The following EYA2 variants were observed in gnomAD, a reference collection of about 807,000 sequenced individuals.
EYA2 encodes protein phosphatase EYA2.
Under a neutral mutation model 69.2 loss-of-function variants are expected in EYA2, and 31 were observed. That is an observed-to-expected ratio of 0.45 (90% CI 0.34 to 0.60). The LOEUF is 0.60. Ranked by LOEUF, EYA2 falls within the 20% of genes least tolerant of loss-of-function variation. The probability of loss-of-function intolerance (pLI) is 0.02; values close to 1 mark genes in which losing one functional copy is unlikely to be tolerated. For missense variants in EYA2, 622 were observed against 701.2 expected, an observed-to-expected ratio of 0.89 and a Z score of 1.28; for synonymous variants, 257 against 279.4, an observed-to-expected ratio of 0.92 and a Z score of 0.80.
chr20:46,948,082 C>A (rs1163540010), intron 1 of EYA2, among the ~76,000 whole-genome samples: 4 of 146,286 alleles, frequency 2.7e-5, no homozygotes, highest in Non-Finnish European at 1.5e-5. Flanking sequence ...TGCACTCCAG[C>A]CTGGGCAGCA....
chr20:47,183,004 A>C (rs1600779821), intron 14 of EYA2, among the ~76,000 whole-genome samples: 1 of 152,192 alleles, frequency 6.6e-6, no homozygotes, highest in East Asian at 1.9e-4. Flanking sequence ...TGCCACTTCT[A>C]CATCGGACAG....
At chr20:46,969,757 T>G (rs767879083) in intron 1 of EYA2, among the ~76,000 whole-genome samples, 28 of 152,190 alleles carry the variant, frequency 1.8e-4, no homozygotes, top group Admixed American at 5.9e-4. Flanking sequence ...GTTCATTTAA[T>G]TTTTCTTAGC....
At chr20:46,945,182 G>A (rs3092807) in intron 1 of EYA2, among the ~76,000 whole-genome samples, 66,240 of 151,836 alleles carry the variant, frequency 0.44, 14,942 homozygotes, top group African/African-American at 0.47. Flanking sequence ...CCTTAGCCTC[G>A]CTGGACCTCA....
chr20:46,929,151 G>GC (rs1248576363), intron 1 of EYA2, among the ~76,000 whole-genome samples: 1 of 50,482 alleles, frequency 2.0e-5, no homozygotes, highest in Non-Finnish European at 3.6e-5. Context: ...AATAAGTTGT[G>GC]CAAAAAAAAA....
chr20:47,094,708 G>T (rs2032193217), intron 8 of EYA2, among the ~76,000 whole-genome samples: 1 of 152,130 alleles, frequency 6.6e-6, no homozygotes, highest in Non-Finnish European at 1.5e-5. Flanking sequence ...ATGATCACCA[G>T]AAAAATAAAG....
At chr20:46,939,584 G>C (rs1464362352) in intron 1 of EYA2, among the ~76,000 whole-genome samples, 1 of 152,052 alleles carries the variant, frequency 6.6e-6, no homozygotes, top group East Asian at 1.9e-4. Context: ...CAACAGAAAG[G>C]GTCCTGACTA....
intron 1 of EYA2, among the ~76,000 whole-genome samples, chr20:46,934,292 C>T (rs1985808548): frequency 6.6e-6 from 1 of 152,128 alleles, no homozygotes; most frequent in Non-Finnish European, 1.5e-5. Flanking sequence ...TCTCTCACCC[C>T]GTCCCCACTC....
chr20:47,051,228 G>A (rs952405335), intron 5 of EYA2, among the ~76,000 whole-genome samples: 3 of 152,232 alleles, frequency 2.0e-5, no homozygotes, highest in African/African-American at 2.4e-5. Flanking sequence ...GTGTATGCAC[G>A]GTGCACGTGG....
intron 1 of EYA2, among the ~76,000 whole-genome samples, chr20:46,949,500 G>T (rs778305354): frequency 2.7e-5 from 4 of 150,698 alleles, no homozygotes; most frequent in Non-Finnish European, 5.9e-5. Flanking sequence ...CAGGGTCAGA[G>T]CTCAGTTCAG....
intron 1 of EYA2, among the ~76,000 whole-genome samples, chr20:46,972,281 G>A (rs1980190344): frequency 6.6e-6 from 1 of 152,174 alleles, no homozygotes. Flanking sequence ...GCGATTAGAG[G>A]GTGGGAAGGG....
At chr20:46,915,094 C>G (rs1290176223) in intron 1 of EYA2, among the ~76,000 whole-genome samples, 1 of 152,206 alleles carries the variant, frequency 6.6e-6, no homozygotes, top group Admixed American at 6.5e-5. Context: ...CTCCCCATCT[C>G]CCAAAGGAGC....
chr20:46,953,888 T>C (rs958636672), intron 1 of EYA2, among the ~76,000 whole-genome samples: 1 of 152,200 alleles, frequency 6.6e-6, no homozygotes, highest in Non-Finnish European at 1.5e-5. Context: ...ACTCTCCTGT[T>C]CAGAACCTTC....
At chr20:47,102,512 C>T (rs1303410117) in intron 9 of EYA2, among the ~76,000 whole-genome samples, 1 of 152,204 alleles carries the variant, frequency 6.6e-6, no homozygotes, top group African/African-American at 2.4e-5. Flanking sequence ...TGCTGCATAC[C>T]ATGCAGGAAG....
intron 10 of EYA2, among the ~76,000 whole-genome samples, chr20:47,154,387 T>C (rs559257819): frequency 2.6e-5 from 4 of 152,124 alleles, no homozygotes; most frequent in African/African-American, 9.6e-5. Flanking sequence ...TTTCAACATA[T>C]GAATTTTGGG....
intron 1 of EYA2, among the ~76,000 whole-genome samples, chr20:46,904,785 A>G (rs1192328503): frequency 6.6e-6 from 1 of 152,166 alleles, no homozygotes; most frequent in African/African-American, 2.4e-5. Context: ...AGCAAACCTA[A>G]TCTAAGTTGT....
chr20:46,969,995 C>T (rs919950695), intron 1 of EYA2, among the ~76,000 whole-genome samples: 1 of 152,158 alleles, frequency 6.6e-6, no homozygotes, highest in Non-Finnish European at 1.5e-5. Flanking sequence ...ACGATGTTCC[C>T]ATCTCTAAGG....
At chr20:47,150,434 C>T (rs2146612063) in intron 10 of EYA2, among the ~76,000 whole-genome samples, 1 of 152,320 alleles carries the variant, frequency 6.6e-6, no homozygotes, top group South Asian at 2.1e-4. Context: ...AAAGGCAGCT[C>T]TTCCATGCCA....
At chr20:46,929,419 C>CT (rs10693379) in intron 1 of EYA2, among the ~76,000 whole-genome samples, 90,174 of 148,772 alleles carry the variant, frequency 0.61, 27,463 homozygotes, top group African/African-American at 0.63. Context: ...TGAGAAGGGG[C>CT]TTTTTTTTTG....
At position 47,074,180 on chromosome 20, in the gene EYA2, T is replaced by A; in HGVS notation, c.506T>A (p.Phe169Tyr). ...VHQDYPSYPG[F>Y]PQSQYPQYYG... ...CAGGACTATCCTTCCTACCCCGGCT[T>A]CCCCCAGAGCCAGTACCCCCAGTAT... is the stretch of plus-strand genomic sequence containing the variant. The change falls in exon 7 of 16, where the codon TTC (phenylalanine) becomes TAC (tyrosine). Residue 169 changes from phenylalanine (F) to tyrosine (Y), a missense_variant. Phe to Tyr is a conservative substitution (Grantham distance 22, BLOSUM62 3). This residue lies in a region of EYA2 where 365 missense variants were observed against 349.7 expected (regional missense o/e 1.04). Coordinates refer to ENST00000327619, the MANE Select transcript of EYA2 (RefSeq NM_005244.5). The A allele has an allele frequency of 6.2e-7, 1 of 1,611,882 alleles. No homozygotes were observed. The highest frequency in any genetic ancestry group is 8.5e-7 in the Non-Finnish European group (1 of 1,178,516).
Sources: allele counts gnomAD v4.1 joint callset (sites outside exome capture counted in the v4.1 genomes callset), GRCh38; gene constraint gnomAD v4.1.1; regional missense constraint gnomAD v4.1.1; transcripts MANE v1.5; gene names NCBI Gene and HGNC (gene_info 2026-07-23, HGNC 2026-07-21).